The following ROBO1 variants were observed in gnomAD, a reference collection of about 807,000 sequenced individuals.
ROBO1 encodes roundabout guidance receptor 1, also known as roundabout homolog 1.
A neutral mutation model predicts 195.9 loss-of-function variants in ROBO1; 149 were observed. That is an observed-to-expected ratio of 0.76 (90% confidence interval 0.67 to 0.87). The LOEUF (loss-of-function observed/expected upper bound fraction) is 0.87, where lower values mean the gene tolerates loss of function less well. Ranked by LOEUF, ROBO1 falls within the 40% of genes least tolerant of loss-of-function variation. The pLI, the probability that ROBO1 is intolerant of heterozygous loss-of-function variation, is 0.00. For synonymous variants in ROBO1, 816 were observed against 733.2 expected, an observed-to-expected ratio of 1.11 and a Z score of -1.82; for missense variants, 1,933 against 2,068.3, an observed-to-expected ratio of 0.93 and a Z score of 1.27.
intron 1 of ROBO1, among the ~76,000 whole-genome samples, chr3:79,681,109 A>G (rs1946933289): frequency 6.6e-6 from 1 of 152,064 alleles, no homozygotes. Context: ...AACATTGAGT[A>G]GGAGCTGATA....
intron 2 of ROBO1, among the ~76,000 whole-genome samples, chr3:79,181,404 A>G (rs913558404): frequency 6.6e-6 from 1 of 152,220 alleles, no homozygotes; most frequent in African/African-American, 2.4e-5. Flanking sequence ...CCCTCAGTGC[A>G]TACCCTAAAC....
chr3:78,944,830 C>A (rs373049727), intron 3 of ROBO1, among the ~76,000 whole-genome samples: 1 of 152,266 alleles, frequency 6.6e-6, no homozygotes, highest in Admixed American at 6.5e-5. Flanking sequence ...TGCGCTTTTC[C>A]AATGGACTTA....
At chr3:79,456,905 G>T (rs950163577) in intron 2 of ROBO1, among the ~76,000 whole-genome samples, 10 of 151,970 alleles carry the variant, frequency 6.6e-5, no homozygotes, top group Non-Finnish European at 1.5e-4. Flanking sequence ...CTGTGTTCTA[G>T]ATAACCTTTT....
chr3:78,661,065 T>C lies in ROBO1; in HGVS notation c.2285A>G (p.Asp762Gly). 1 of 1,613,466 alleles carries C rather than the reference T, an allele frequency of 6.2e-7. No individual in the cohort carries two copies. The highest frequency in any genetic ancestry group is 8.5e-7 in the Non-Finnish European group (1 of 1,179,622). ...GGTTTTGGCAAACTTGATTTCACTA[T>C]CTGCTCCTTGAAATTCATTAAAAAA... ...RPFFNEFQGADSEIKFAKTLE... is the reference protein window; with the variant it reads ...RPFFNEFQGAGSEIKFAKTLE... Residue 762 changes from aspartate (D) to glycine (G), a missense_variant, in exon 16 of 31, where the codon GAT becomes GGT. This residue lies in a region of ROBO1 where 1,737 missense variants were observed against 1,882.5 expected (regional missense o/e 0.92). Coordinates refer to ENST00000464233, the MANE Select transcript of ROBO1 (RefSeq NM_002941.4).
intron 2 of ROBO1, among the ~76,000 whole-genome samples, chr3:79,448,710 G>T (rs1478462601): frequency 6.6e-6 from 1 of 152,098 alleles, no homozygotes; most frequent in African/African-American, 2.4e-5. Context: ...CAAGAAGAAA[G>T]ATTAATGATT....
At chr3:79,522,330 CT>C (rs11293842) in intron 2 of ROBO1, among the ~76,000 whole-genome samples, 92,292 of 134,708 alleles carry the variant, frequency 0.69, 31,412 homozygotes, top group African/African-American at 0.84. Flanking sequence ...AAGACTGTTA[CT>C]TTTTTTTTTT....
intron 1 of ROBO1, among the ~76,000 whole-genome samples, chr3:79,612,653 A>C (rs1013776975): frequency 1.4e-5 from 2 of 144,726 alleles, no homozygotes; most frequent in Admixed American, 1.4e-4. Flanking sequence ...CCAACAGTGT[A>C]AAAGTGTTCC....
At chr3:79,188,844 G>A (rs1395771968) in intron 2 of ROBO1, among the ~76,000 whole-genome samples, 1 of 151,792 alleles carries the variant, frequency 6.6e-6, no homozygotes, top group African/African-American at 2.4e-5. Context: ...ATTAGGTAAC[G>A]TAATATTCAA....
At chr3:78,976,129 A>C (rs2076879960) in intron 3 of ROBO1, among the ~76,000 whole-genome samples, 1 of 152,204 alleles carries the variant, frequency 6.6e-6, no homozygotes, top group Admixed American at 6.5e-5. Context: ...GACTCAGTGC[A>C]ATACACATGT....
chr3:79,390,231 G>A (rs2036897425), intron 2 of ROBO1, among the ~76,000 whole-genome samples: 1 of 152,066 alleles, frequency 6.6e-6, no homozygotes, highest in Admixed American at 6.6e-5. Flanking sequence ...TCTGTGTAGT[G>A]CTTGAAATGC....
At chr3:79,685,579 C>T (rs1455372667) in intron 1 of ROBO1, among the ~76,000 whole-genome samples, 1 of 152,118 alleles carries the variant, frequency 6.6e-6, no homozygotes, top group Non-Finnish European at 1.5e-5. Context: ...TTCCAGAAAA[C>T]TGCCAAACAG....
intron 2 of ROBO1, among the ~76,000 whole-genome samples, chr3:79,466,271 G>T (rs60165345): frequency 6.6e-6 from 1 of 152,088 alleles, no homozygotes; most frequent in Non-Finnish European, 1.5e-5. Context: ...TGTTTTCAAT[G>T]ATATTGTCTA....
intron 4 of ROBO1, among the ~76,000 whole-genome samples, chr3:78,936,654 T>C: frequency 6.6e-6 from 1 of 152,150 alleles, no homozygotes; most frequent in Non-Finnish European, 1.5e-5. Context: ...TAGACATATT[T>C]GTAAGTATAT....
At chr3:78,993,045 TC>T (rs2077274772) in intron 3 of ROBO1, among the ~76,000 whole-genome samples, 1 of 152,300 alleles carries the variant, frequency 6.6e-6, no homozygotes, top group South Asian at 2.1e-4. Flanking sequence ...CCAGACTTTC[TC>T]AATTCTCCTC....
chr3:78,678,693 A>C (rs1013808277), intron 10 of ROBO1, among the ~76,000 whole-genome samples: 1 of 152,186 alleles, frequency 6.6e-6, no homozygotes, highest in African/African-American at 2.4e-5. Context: ...ATAGCTTACC[A>C]ACCAAAAAGA....
chr3:79,766,400 G>C (rs1260157388), intron 1 of ROBO1, among the ~76,000 whole-genome samples: 2 of 151,720 alleles, frequency 1.3e-5, no homozygotes, highest in Non-Finnish European at 2.9e-5. Context: ...ACTCGAGGCA[G>C]GAGTGGGATG....
intron 2 of ROBO1, among the ~76,000 whole-genome samples, chr3:79,304,576 G>C (rs183050810): frequency 1.6e-4 from 25 of 152,108 alleles, no homozygotes; most frequent in Non-Finnish European, 2.9e-4. Flanking sequence ...CTATACATTA[G>C]TTTACATTTC....
chr3:79,182,646 G>T (rs1055388470), intron 2 of ROBO1, among the ~76,000 whole-genome samples: 21 of 152,114 alleles, frequency 1.4e-4, no homozygotes, highest in Admixed American at 5.9e-4. Flanking sequence ...GGGTGTAAAG[G>T]GGCTAAATCC....
intron 8 of ROBO1, among the ~76,000 whole-genome samples, chr3:78,705,480 G>T (rs561656908): frequency 1.3e-5 from 2 of 152,296 alleles, no homozygotes; most frequent in South Asian, 2.1e-4. Context: ...TAGGCAATTT[G>T]CCTAGGATTC....
Sources: allele counts gnomAD v4.1 joint callset (sites outside exome capture counted in the v4.1 genomes callset), GRCh38; gene constraint gnomAD v4.1.1; regional missense constraint gnomAD v4.1.1; transcripts MANE v1.5; gene names NCBI Gene and HGNC (gene_info 2026-07-23, HGNC 2026-07-21).